The following AKAP12 variants were observed in gnomAD, a reference collection of about 807,000 sequenced individuals.
AKAP12 encodes A-kinase anchoring protein 12.
AKAP12 carries 32 observed loss-of-function variants against 79.9 expected under a neutral mutation model. That is an observed-to-expected ratio of 0.40 (90% CI 0.30 to 0.54). The LOEUF is 0.54. AKAP12 is among the 20% of genes least tolerant of loss of function. The probability of loss-of-function intolerance (pLI) is 0.48; values close to 1 mark genes in which losing one functional copy is unlikely to be tolerated. For missense variants in AKAP12, 2,074 were observed against 2,177.0 expected, an observed-to-expected ratio of 0.95 and a Z score of 0.94; for synonymous variants, 808 against 857.0, an observed-to-expected ratio of 0.94 and a Z score of 1.00.
rs187472317 is a variant in AKAP12 at position 151,271,930 on chromosome 6, G to T, written c.162+31206G>T. ...CCACCTCGGCCTCCCAAAGTGCTGG[G>T]GTTACAGGCGTGAGCCACCACACCC... On this transcript the variant is annotated intron_variant, in intron 2 of 4. Coordinates refer to ENST00000402676, the MANE Select transcript of AKAP12 (RefSeq NM_005100.4). 1.4e-3 allele frequency among the ~76,000 whole-genome samples: 214 copies of T among 152,284 alleles called. 1 individual carries two copies. In the East Asian group the frequency reaches 0.028, roughly 20 times the overall value.
chr6:151,274,292 T>A (rs1365532053), intron 2 of AKAP12, among the ~76,000 whole-genome samples: 1 of 152,120 alleles, frequency 6.6e-6, no homozygotes, highest in African/African-American at 2.4e-5. Flanking sequence ...TTGCCCATGC[T>A]GGTCTGGAAC....
intron 2 of AKAP12, among the ~76,000 whole-genome samples, chr6:151,246,113 T>G (rs1797070959): frequency 6.6e-6 from 1 of 152,198 alleles, no homozygotes; most frequent in South Asian, 2.1e-4. Context: ...TTGCAAGCTT[T>G]ATATGCATTT....
chr6:151,302,674 G>T (rs1281799961), intron 2 of AKAP12, among the ~76,000 whole-genome samples: 1 of 151,930 alleles, frequency 6.6e-6, no homozygotes, highest in Non-Finnish European at 1.5e-5. Flanking sequence ...ACAATTGACC[G>T]AAGTTTATTG....
rs1359769804 is a variant in AKAP12 at position 151,350,203 on chromosome 6, A to G, written c.1812A>G (p.Arg604=). 2.5e-6 allele frequency: 4 copies of G among 1,613,986 alleles called. No homozygotes were observed. Among genetic ancestry groups the G allele is most frequent in the Non-Finnish European group, 3.4e-6 (4 of 1,179,966 alleles). The change falls in exon 4 of 5, where the codon AGA becomes AGG. Residue 604 remains arginine, a synonymous_variant. Transcript: ENST00000402676. This position sits in a 1 kb window ranked among gnomAD's most constrained non-coding sequence, Gnocchi z 4.8. ...CTACTTCCGATGGAGAGAAAAAAAG[A>G]GAAGGTGTCACTCCCTGGGCATCAT... is the stretch of plus-strand genomic sequence containing the variant. ...EGATSDGEKK[R]EGVTPWASFK...
Position 151,347,907 on chromosome 6 carries a change from C to T in AKAP12, c.320-804C>T, listed in dbSNP as rs534009904. On this transcript the variant is annotated intron_variant, in intron 3 of 4. Coordinates refer to ENST00000402676, the MANE Select transcript of AKAP12 (RefSeq NM_005100.4). ...CAAAAATTGACTGGGCGTGTTGGCT[C>T]ACGCCTGTAATCCCAGCACTTTGGG... 3.3e-5 allele frequency among the ~76,000 whole-genome samples: 5 copies of T among 152,086 alleles called. No homozygotes were observed. The South Asian group carries it at 1.0e-3, about 32-fold the overall frequency.
Position 151,305,794 on chromosome 6 carries a change from G to A in AKAP12, c.210G>A (p.Glu70=), listed in dbSNP as rs141795086. The A allele has an allele frequency of 1.5e-5, 25 of 1,614,062 alleles. No homozygotes were observed. The African/African-American group carries it at 2.5e-4, about 16-fold the overall frequency. The change falls in exon 3 of 5, where the codon GAG becomes GAA. Residue 70 remains glutamate (E), a synonymous_variant. Coordinates refer to ENST00000402676, the MANE Select transcript of AKAP12 (RefSeq NM_005100.4). The stretch of plus-strand genomic sequence containing the variant: ...TGTCCACCATCAATGGCGTAGCTGA[G>A]CAAGATGAGCTCAGCCTCCAGGAGG... ...GQLSTINGVA[E]QDELSLQEGD...
chr6:151,287,200 G>T (rs1776523462), intron 2 of AKAP12, among the ~76,000 whole-genome samples: 1 of 151,882 alleles, frequency 6.6e-6, no homozygotes, highest in African/African-American at 2.4e-5. Flanking sequence ...CGGCCTCCCA[G>T]AGTGCTGGGA....
intron 2 of AKAP12, among the ~76,000 whole-genome samples, chr6:151,278,880 G>A (rs1359176258): frequency 2.6e-5 from 4 of 151,678 alleles, no homozygotes; most frequent in Non-Finnish European, 1.5e-5. Context: ...TGTTAGCCAG[G>A]ATGGTCTCGA....
intron 2 of AKAP12, among the ~76,000 whole-genome samples, chr6:151,303,940 C>T (rs376464410): frequency 1.8e-4 from 27 of 152,080 alleles, no homozygotes; most frequent in African/African-American, 5.3e-4. Flanking sequence ...GAGTTGGCTT[C>T]GGGCCATGAT....
intron 2 of AKAP12, among the ~76,000 whole-genome samples, chr6:151,297,639 A>G (rs1262561129): frequency 6.6e-6 from 1 of 151,592 alleles, no homozygotes; most frequent in African/African-American, 2.4e-5. Context: ...TGTGATTTCA[A>G]GGCTATGGCC....
Position 151,349,962 on chromosome 6 carries a change from G to T in AKAP12, c.1571G>T (p.Gly524Val). The change falls in exon 4 of 5, where the codon GGC (glycine) becomes GTC (valine). Residue 524 changes from glycine (G) to valine (V), a missense_variant. By Grantham distance (109) the Gly-to-Val change is moderately radical. Coordinates refer to ENST00000402676, the MANE Select transcript of AKAP12 (RefSeq NM_005100.4). ...SPLKKLFTST[G>V]LKKLSGKKQK... Reference sequence around the variant, plus strand: ...CTAAAGAAGCTTTTTACCAGCACTGGCTTAAAAAAGCTTTCTGGAAAGAAA... The same window carrying T: ...CTAAAGAAGCTTTTTACCAGCACTGTCTTAAAAAAGCTTTCTGGAAAGAAA... The T allele has an allele frequency of 6.2e-7, 1 of 1,614,140 alleles. No homozygotes were observed. The highest frequency in any genetic ancestry group is 8.5e-7 in the Non-Finnish European group (1 of 1,180,012).
intron 2 of AKAP12, among the ~76,000 whole-genome samples, chr6:151,285,677 T>G (rs1047185621): frequency 3.9e-5 from 6 of 152,196 alleles, no homozygotes; most frequent in Admixed American, 3.9e-4. Context: ...AGTCTATCAT[T>G]TGGGTGAGTT....
At chr6:151,274,354 C>T (rs969267923) in intron 2 of AKAP12, among the ~76,000 whole-genome samples, 1 of 152,168 alleles carries the variant, frequency 6.6e-6, no homozygotes, top group Non-Finnish European at 1.5e-5. Flanking sequence ...GCTGGGACTA[C>T]AGGCGTGAGC....
At chr6:151,296,407 T>G (rs1245156450) in intron 2 of AKAP12, among the ~76,000 whole-genome samples, 4 of 152,212 alleles carry the variant, frequency 2.6e-5, no homozygotes, top group South Asian at 2.1e-4. Flanking sequence ...GCCTTAAATC[T>G]TTTTTTAAAT....
intron 3 of AKAP12, among the ~76,000 whole-genome samples, chr6:151,346,901 T>C (rs1778114903): frequency 6.6e-6 from 1 of 152,242 alleles, no homozygotes; most frequent in Admixed American, 6.5e-5. Flanking sequence ...ATTTCTTTTT[T>C]CCTTAAAGAA....
intron 2 of AKAP12, among the ~76,000 whole-genome samples, chr6:151,253,720 A>G (rs1797235589): frequency 1.1e-5 from 1 of 87,502 alleles, no homozygotes; most frequent in Non-Finnish European, 2.5e-5. Flanking sequence ...TTCACAAATG[A>G]CTTTTTTTTT....
At chr6:151,250,357 G>A (rs1487165922) in intron 2 of AKAP12, among the ~76,000 whole-genome samples, 1 of 151,786 alleles carries the variant, frequency 6.6e-6, no homozygotes, top group Non-Finnish European at 1.5e-5. Flanking sequence ...AAGTTAGCCG[G>A]GTGTGGTGGC....
At chr6:151,345,366 C>T (rs529015507) in intron 3 of AKAP12, among the ~76,000 whole-genome samples, 80 of 152,140 alleles carry the variant, frequency 5.3e-4, no homozygotes, top group South Asian at 4.4e-3. Flanking sequence ...TGAGCCACCG[C>T]GCCTGGCTAG....
chr6:151,302,528 C>A (rs541568067), intron 2 of AKAP12, among the ~76,000 whole-genome samples: 6 of 152,092 alleles, frequency 3.9e-5, no homozygotes, highest in African/African-American at 1.4e-4. Flanking sequence ...TAAAGAGACT[C>A]AGTTTGGCTC....
Sources: allele counts gnomAD v4.1 joint callset (sites outside exome capture counted in the v4.1 genomes callset), GRCh38; gene constraint gnomAD v4.1.1; non-coding constraint Gnocchi (gnomAD v3.1); transcripts MANE v1.5; gene names NCBI Gene and HGNC (gene_info 2026-07-23, HGNC 2026-07-21).